The following HCN1 variants were observed in gnomAD, a reference collection of about 807,000 sequenced individuals.
HCN1 encodes hyperpolarization activated cyclic nucleotide gated potassium channel 1.
Under a neutral mutation model 78.9 loss-of-function variants are expected in HCN1, and 13 were observed. The observed-to-expected ratio is 0.16, with a 90% CI of 0.11 to 0.26. HCN1 has a LOEUF of 0.26. HCN1 is among the 10% of genes least tolerant of loss of function. HCN1 has a pLI of 1.00. For missense variants in HCN1, 810 were observed against 1,154.3 expected, an observed-to-expected ratio of 0.70 and a Z score of 4.32; for synonymous variants, 552 against 455.5, an observed-to-expected ratio of 1.21 and a Z score of -2.70.
intron 4 of HCN1, among the ~76,000 whole-genome samples, chr5:45,372,231 T>C (rs1469796717): frequency 8.1e-5 from 6 of 73,802 alleles, no homozygotes; most frequent in Non-Finnish European, 1.1e-4. Context: ...ATATATAATA[T>C]ATATTATATT....
chr5:45,693,346 T>C lies in HCN1; in HGVS notation c.425+2323A>G, dbSNP rs372705364. Among the ~76,000 whole-genome samples the C allele has an allele frequency of 8.5e-5, 13 of 152,194 alleles. No homozygotes were observed. The South Asian group carries it at 2.3e-3, about 27-fold the overall frequency. ...GTTTGTTTTAGAACACCAGTGTATA[T>C]TGTAATTATGTTTTAAAATCTATTT... On this transcript the variant is annotated intron_variant, in intron 1 of 7. Coordinates refer to ENST00000303230, the MANE Select transcript of HCN1 (RefSeq NM_021072.4).
chr5:45,463,321 C>T (rs879240218), intron 2 of HCN1, among the ~76,000 whole-genome samples: 1 of 151,916 alleles, frequency 6.6e-6, no homozygotes, highest in Middle Eastern at 3.4e-3. Context: ...AAATGTTTTT[C>T]AGTTTGATAT....
At chr5:45,427,022 A>T (rs1265123188) in intron 3 of HCN1, among the ~76,000 whole-genome samples, 1 of 151,950 alleles carries the variant, frequency 6.6e-6, no homozygotes, top group Non-Finnish European at 1.5e-5. Context: ...ATGAATTTTA[A>T]TTCATAATAC....
At chr5:45,474,940 T>C (rs1344458877) in intron 2 of HCN1, among the ~76,000 whole-genome samples, 1 of 151,968 alleles carries the variant, frequency 6.6e-6, no homozygotes, top group Non-Finnish European at 1.5e-5. Flanking sequence ...CATTAATTCA[T>C]TTTTATTTAA....
At chr5:45,482,454 C>CA in intron 2 of HCN1, among the ~76,000 whole-genome samples, 1 of 151,904 alleles carries the variant, frequency 6.6e-6, no homozygotes, top group Admixed American at 6.6e-5. Context: ...CAGTTTAGAA[C>CA]AAAAAATGAA....
intron 2 of HCN1, among the ~76,000 whole-genome samples, chr5:45,578,422 C>T (rs1201574958): frequency 6.6e-6 from 1 of 151,574 alleles, no homozygotes; most frequent in Non-Finnish European, 1.5e-5. Flanking sequence ...TTTTCTGTTG[C>T]TATGGAGAAA....
intron 2 of HCN1, among the ~76,000 whole-genome samples, chr5:45,620,433 A>G (rs1004178537): frequency 2.0e-5 from 3 of 151,942 alleles, no homozygotes; most frequent in African/African-American, 4.8e-5. Context: ...TAAGTACCCT[A>G]TATAATATTT....
intron 5 of HCN1, among the ~76,000 whole-genome samples, chr5:45,347,734 C>A (rs900739833): frequency 5.9e-5 from 9 of 151,906 alleles, no homozygotes; most frequent in Admixed American, 2.6e-4. Context: ...GCCTCAGGAG[C>A]CGATGCGATC....
chr5:45,593,325 CT>C (rs1407882768), intron 2 of HCN1, among the ~76,000 whole-genome samples: 3 of 105,578 alleles, frequency 2.8e-5, no homozygotes, highest in African/African-American at 9.4e-5. Context: ...CTCTCTCCCT[CT>C]CTCTCTCTCT....
chr5:45,284,451 A>C (rs1745229332), intron 6 of HCN1, among the ~76,000 whole-genome samples: 1 of 152,154 alleles, frequency 6.6e-6, no homozygotes, highest in South Asian at 2.1e-4. Flanking sequence ...TAAAACAAAA[A>C]TATATTTAGT....
chr5:45,385,532 C>G (rs1747893532), intron 4 of HCN1, among the ~76,000 whole-genome samples: 1 of 152,080 alleles, frequency 6.6e-6, no homozygotes, highest in African/African-American at 2.4e-5. Flanking sequence ...ACCTTTCACC[C>G]CTTAAAGACA....
chr5:45,603,256 C>T (rs1365387063), intron 2 of HCN1, among the ~76,000 whole-genome samples: 1 of 152,002 alleles, frequency 6.6e-6, no homozygotes, highest in Non-Finnish European at 1.5e-5. Flanking sequence ...CTTCCATTCT[C>T]AGACATCCCT....
chr5:45,550,185 G>T (rs1743335619), intron 2 of HCN1, among the ~76,000 whole-genome samples: 1 of 152,056 alleles, frequency 6.6e-6, no homozygotes, highest in Admixed American at 6.6e-5. Flanking sequence ...CTACTATAAA[G>T]ACACATGCAC....
intron 5 of HCN1, among the ~76,000 whole-genome samples, chr5:45,330,849 T>A (rs1746329369): frequency 6.6e-6 from 1 of 151,164 alleles, no homozygotes; most frequent in Non-Finnish European, 1.5e-5. Flanking sequence ...TATTGGAAAT[T>A]TTATCTTTCT....
At chr5:45,330,605 A>G (rs1238865938) in intron 5 of HCN1, among the ~76,000 whole-genome samples, 1 of 150,998 alleles carries the variant, frequency 6.6e-6, no homozygotes, top group Non-Finnish European at 1.5e-5. Flanking sequence ...CTAAGTTTAA[A>G]TGACTCATCA....
intron 5 of HCN1, among the ~76,000 whole-genome samples, chr5:45,351,969 C>T (rs1047734139): frequency 1.3e-5 from 2 of 152,200 alleles, no homozygotes; most frequent in Middle Eastern, 3.4e-3. Context: ...GTCAGTGTGG[C>T]GATTCCTCAG....
chr5:45,546,740 T>C (rs764611163), intron 2 of HCN1, among the ~76,000 whole-genome samples: 1 of 151,904 alleles, frequency 6.6e-6, no homozygotes, highest in Non-Finnish European at 1.5e-5. Context: ...TTGTTTATAA[T>C]AGAATCATAA....
intron 5 of HCN1, among the ~76,000 whole-genome samples, chr5:45,343,480 T>G (rs1016421254): frequency 2.6e-5 from 4 of 152,200 alleles, no homozygotes; most frequent in Non-Finnish European, 5.9e-5. Flanking sequence ...GAATGTAAGA[T>G]GTATTACTAA....
At chr5:45,670,488 C>A (rs980271453) in intron 1 of HCN1, among the ~76,000 whole-genome samples, 1 of 151,526 alleles carries the variant, frequency 6.6e-6, no homozygotes, top group Non-Finnish European at 1.5e-5. Context: ...ATTTTAGTTC[C>A]CAAGCTGGAG....
Sources: allele counts gnomAD v4.1 joint callset (sites outside exome capture counted in the v4.1 genomes callset), GRCh38; gene constraint gnomAD v4.1.1; transcripts MANE v1.5; gene names NCBI Gene and HGNC (gene_info 2026-07-23, HGNC 2026-07-21).